The following ATG5 variants were observed in gnomAD, a reference collection of about 807,000 sequenced individuals.
The protein encoded by ATG5 is autophagy protein 5.
A neutral mutation model predicts 36.5 loss-of-function variants in ATG5; 14 were observed. That is an observed-to-expected ratio of 0.38 (90% confidence interval 0.25 to 0.60). The LOEUF is 0.60. Ranked by LOEUF, ATG5 falls within the 20% of genes least tolerant of loss-of-function variation. The pLI is 0.60. For synonymous variants in ATG5, 95 were observed against 101.5 expected (o/e 0.94, Z 0.38); for missense variants, 195 against 326.7 (o/e 0.60, Z 3.11).
chr6:106,241,033 G>C (rs1439934651), intron 6 of ATG5, among the ~76,000 whole-genome samples: 1 of 152,136 alleles, frequency 6.6e-6, no homozygotes, highest in Non-Finnish European at 1.5e-5. Context: ...GGCACCTGTA[G>C]TCCCAGCTAC....
chr6:106,199,632 C>T (rs1776342196), intron 7 of ATG5, among the ~76,000 whole-genome samples: 1 of 152,048 alleles, frequency 6.6e-6, no homozygotes, highest in Non-Finnish European at 1.5e-5. Context: ...GGTTGCACAA[C>T]TCTATAAATT....
chr6:106,258,206 C>G (rs1317232266), intron 5 of ATG5, among the ~76,000 whole-genome samples: 1 of 112,380 alleles, frequency 8.9e-6, no homozygotes, highest in Non-Finnish European at 1.8e-5. Context: ...CCGTCTCTAA[C>G]AAAAAAAAAA....
chr6:106,186,809 G>A (rs1485220456), intron 7 of ATG5, 133 bp from the exon 8 acceptor site: 2 of 1,041,640 alleles, frequency 1.9e-6, no homozygotes, highest in African/African-American at 3.2e-5. Flanking sequence ...AGGAAATGTG[G>A]ACATGGAGAA....
At chr6:106,239,255 C>CA (rs1297942377) in intron 6 of ATG5, among the ~76,000 whole-genome samples, 1 of 151,204 alleles carries the variant, frequency 6.6e-6, no homozygotes, top group Non-Finnish European at 1.5e-5. Context: ...TAAAGAAAAA[C>CA]AAAATCTACA....
chr6:106,248,119 A>G (rs1329359276), intron 6 of ATG5, 31 bp downstream of exon 6: 1 of 1,508,310 alleles, frequency 6.6e-7, no homozygotes, highest in South Asian at 1.1e-5. Flanking sequence ...GGCTTTCATA[A>G]ATGGATGTTT....
chr6:106,207,277 T>C (rs1237893324), intron 6 of ATG5, among the ~76,000 whole-genome samples: 1 of 152,226 alleles, frequency 6.6e-6, no homozygotes, highest in Non-Finnish European at 1.5e-5. Context: ...ATGGGAAATT[T>C]ACAGTGTTGA....
chr6:106,301,288 C>G (rs987019024), intron 3 of ATG5, among the ~76,000 whole-genome samples: 1 of 151,970 alleles, frequency 6.6e-6, no homozygotes, highest in African/African-American at 2.4e-5. Flanking sequence ...CTCTACAAAT[C>G]GACAACAACA....
chr6:106,193,172 T>C (rs1312228698), intron 7 of ATG5, among the ~76,000 whole-genome samples: 2 of 152,204 alleles, frequency 1.3e-5, no homozygotes, highest in Non-Finnish European at 1.5e-5. Context: ...TTTTATCCTA[T>C]GATCACAAAC....
In ATG5 at chr6:106,205,116, C is replaced by T. The variant is rs532702426; in HGVS notation, c.574-3027G>A. Reference sequence around the variant, plus strand: ...AATGTTGGTGAAAGGCTTTTTCTGACGACTAATGGAAAGCAGTGCTATGTA... The same window carrying T: ...AATGTTGGTGAAAGGCTTTTTCTGATGACTAATGGAAAGCAGTGCTATGTA... On this transcript the variant is annotated intron_variant, in intron 6 of 7. Transcript: ENST00000369076. Among the ~76,000 whole-genome samples the T allele has an allele frequency of 5.9e-5, 9 of 152,228 alleles. No individual in the cohort carries two copies. The East Asian group carries it at 1.5e-3, about 26-fold the overall frequency.
chr6:106,200,026 G>T (rs1370246349), intron 7 of ATG5, among the ~76,000 whole-genome samples: 1 of 152,126 alleles, frequency 6.6e-6, no homozygotes, highest in Non-Finnish European at 1.5e-5. Flanking sequence ...TCTGGCATTG[G>T]TTCTGACAGT....
chr6:106,298,374 C>A (rs1381433632), intron 3 of ATG5, among the ~76,000 whole-genome samples: 1 of 151,946 alleles, frequency 6.6e-6, no homozygotes, highest in Non-Finnish European at 1.5e-5. Flanking sequence ...TAAACATATG[C>A]TTCCTTAAAA....
intron 3 of ATG5, among the ~76,000 whole-genome samples, chr6:106,305,172 C>T (rs990577220): frequency 5.9e-5 from 9 of 151,672 alleles, no homozygotes; most frequent in African/African-American, 1.9e-4. Flanking sequence ...ACAGAGTCTG[C>T]TAGCCAAGTA....
chr6:106,234,419 G>A (rs948668650), intron 6 of ATG5, among the ~76,000 whole-genome samples: 20 of 152,056 alleles, frequency 1.3e-4, no homozygotes, highest in Non-Finnish European at 2.4e-4. Context: ...CACCACTTCC[G>A]TTTTAGTAGG....
At chr6:106,226,913 A>T (rs1777472877) in intron 6 of ATG5, among the ~76,000 whole-genome samples, 1 of 152,098 alleles carries the variant, frequency 6.6e-6, no homozygotes, top group Admixed American at 6.5e-5. Flanking sequence ...CAATTGCGAG[A>T]AAGAGAGGGA....
At chr6:106,315,996 T>G in intron 2 of ATG5, 105 bp downstream of exon 2, 1 of 834,900 alleles carries the variant, frequency 1.2e-6, no homozygotes, top group Non-Finnish European at 1.9e-6. Flanking sequence ...AAGCATGAAT[T>G]AGCTGTATCT....
intron 3 of ATG5, among the ~76,000 whole-genome samples, 182 bp from the exon 4 acceptor site, chr6:106,293,288 T>C (rs1780392397): frequency 6.6e-6 from 1 of 152,208 alleles, no homozygotes; most frequent in African/African-American, 2.4e-5. Flanking sequence ...AGGCATCAGG[T>C]GGTTTCCTTC....
chr6:106,294,127 A>T (rs946860949), intron 3 of ATG5, among the ~76,000 whole-genome samples: 6 of 152,206 alleles, frequency 3.9e-5, no homozygotes, highest in Admixed American at 1.3e-4. Context: ...TCTGGATTTC[A>T]AATTGTGGGA....
intron 5 of ATG5, among the ~76,000 whole-genome samples, chr6:106,255,852 C>T (rs1375932700): frequency 6.6e-6 from 1 of 152,262 alleles, no homozygotes; most frequent in Non-Finnish European, 1.5e-5. Context: ...CAGTGGTAGG[C>T]CAGGACTAAT....
At chr6:106,246,390 TCTCACACA>T (rs1240285858) in intron 6 of ATG5, among the ~76,000 whole-genome samples, 6,538 of 113,340 alleles carry the variant, frequency 0.058, 348 homozygotes, top group Admixed American at 0.22. Context: ...TCTCTCTCTC[TCTCACACA>T]CACACACACA....
Sources: allele counts gnomAD v4.1 joint callset (sites outside exome capture counted in the v4.1 genomes callset), GRCh38; gene constraint gnomAD v4.1.1; transcripts MANE v1.5; gene names NCBI Gene and HGNC (gene_info 2026-07-23, HGNC 2026-07-21).